SDK1: variants seen among roughly 807,000 people sequenced by gnomAD.
The protein encoded by SDK1 is protein sidekick-1.
A neutral mutation model predicts 245.5 loss-of-function variants in SDK1; 157 were observed. The ratio of observed to expected loss-of-function variants is 0.64; its 90% CI spans 0.56 to 0.73. The LOEUF is 0.73. SDK1 is among the 30% of genes least tolerant of loss of function. The pLI is 0.00. For missense variants in SDK1, 3,583 were observed against 3,002.3 expected (o/e 1.19, Z -4.52); for synonymous variants, 1,647 against 1,278.5 (o/e 1.29, Z -6.15).
chr7:4,089,008 T>C (rs1781611501), intron 22 of SDK1, among the ~76,000 whole-genome samples: 2 of 151,088 alleles, frequency 1.3e-5, no homozygotes, highest in African/African-American at 4.9e-5. Flanking sequence ...GGTGAGACCC[T>C]TGTGGGCATC....
At chr7:3,511,226 G>A (rs913369495) in intron 1 of SDK1, among the ~76,000 whole-genome samples, 1 of 152,132 alleles carries the variant, frequency 6.6e-6, no homozygotes, top group Non-Finnish European at 1.5e-5. Flanking sequence ...TCCTTCTTGG[G>A]TACTTACAAG....
At position 3,355,439 on chromosome 7, in the gene SDK1, C is replaced by T. The variant is rs143638677; in HGVS notation, c.298+53555C>T. 1.6e-4 allele frequency among the ~76,000 whole-genome samples: 25 copies of T among 152,326 alleles called. No individual in the cohort carries two copies. The East Asian group carries it at 4.8e-3, about 29-fold the overall frequency. ...CAAGCAGTCTTCCTGCTGCCTCAGC[C>T]TCCCATGTTGCTTGCAATTACAGGC... On this transcript the variant is annotated intron_variant, in intron 1 of 44. Transcript: ENST00000404826.
intron 1 of SDK1, among the ~76,000 whole-genome samples, chr7:3,508,423 G>A (rs1782466788): frequency 1.3e-5 from 2 of 150,786 alleles, no homozygotes; most frequent in South Asian, 2.1e-4. Context: ...TACCTCCTCG[G>A]TTCAAACAAT....
intron 1 of SDK1, among the ~76,000 whole-genome samples, chr7:3,614,619 A>G (rs761513464): frequency 1.8e-4 from 28 of 152,186 alleles, no homozygotes; most frequent in Non-Finnish European, 2.9e-4. Flanking sequence ...TCTGTCCCCA[A>G]AGTTTTGTGT....
chr7:3,680,952 C>T (rs909717525), intron 4 of SDK1, among the ~76,000 whole-genome samples: 4 of 152,150 alleles, frequency 2.6e-5, no homozygotes, highest in Admixed American at 6.5e-5. Flanking sequence ...AAGCGATTCT[C>T]CTGCCTCAGC....
chr7:3,680,555 G>T (rs926061586), intron 4 of SDK1, among the ~76,000 whole-genome samples: 3 of 152,108 alleles, frequency 2.0e-5, no homozygotes, highest in Non-Finnish European at 4.4e-5. Context: ...AGTTACATAA[G>T]GTTTTACTTT....
chr7:3,450,249 A>G (rs886233663), intron 1 of SDK1, among the ~76,000 whole-genome samples: 2 of 152,322 alleles, frequency 1.3e-5, no homozygotes, highest in African/African-American at 2.4e-5. Flanking sequence ...AAGACCTCTT[A>G]CCCCAAACTA....
chr7:3,718,960 A>T (rs1427777990), intron 4 of SDK1, among the ~76,000 whole-genome samples: 1 of 152,218 alleles, frequency 6.6e-6, no homozygotes, highest in African/African-American at 2.4e-5. Flanking sequence ...AAAATCCATC[A>T]CGTTTCTATA....
intron 1 of SDK1, among the ~76,000 whole-genome samples, chr7:3,590,686 C>G (rs1007225464): frequency 1.3e-5 from 2 of 151,968 alleles, no homozygotes; most frequent in Admixed American, 1.3e-4. Context: ...TGCGCATTTA[C>G]TTCACAAGGG....
chr7:3,790,844 T>C lies in SDK1; in HGVS notation c.714-30606T>C, dbSNP rs142889248. Among the ~76,000 whole-genome samples the C allele has an allele frequency of 5.6e-3, 850 of 152,236 alleles. 9 individuals are homozygous for C. The highest frequency in any genetic ancestry group is 0.02 in the African/African-American group (817 of 41,540). ...AGTCTGGTAGTGGTTGCTTTTGGGC[T>C]GTGGAACTTGGGGCTAGGGAGGTTG... On this transcript the variant is annotated intron_variant, in intron 4 of 44. Coordinates refer to ENST00000404826, the MANE Select transcript of SDK1 (RefSeq NM_152744.4).
At chr7:3,792,817 C>G (rs984644544) in intron 4 of SDK1, among the ~76,000 whole-genome samples, 19 of 152,186 alleles carry the variant, frequency 1.2e-4, no homozygotes, top group African/African-American at 4.6e-4. Flanking sequence ...ACCTCTCACT[C>G]TTGAGCTTGT....
In SDK1 at chr7:3,402,458, T is replaced by A. The variant is rs548942238; in HGVS notation, c.298+100574T>A. 9.7e-4 allele frequency among the ~76,000 whole-genome samples: 148 copies of A among 152,340 alleles called. 1 individual carries two copies. The highest frequency in any genetic ancestry group is 1.7e-3 in the Non-Finnish European group (116 of 68,032). ...CTATTATAAAGTTTGAGTATTTCTA[T>A]TATGATTTTATGACTTCCCATCTGT... On this transcript the variant is annotated intron_variant, in intron 1 of 44. Coordinates refer to ENST00000404826, the MANE Select transcript of SDK1 (RefSeq NM_152744.4).
intron 5 of SDK1, among the ~76,000 whole-genome samples, chr7:3,853,114 G>C (rs182945820): frequency 2.0e-5 from 3 of 151,586 alleles, no homozygotes; most frequent in Non-Finnish European, 4.4e-5. Flanking sequence ...TTCACATCCT[G>C]TGAATACTGT....
At chr7:4,188,053 G>A (rs1238310533) in intron 35 of SDK1, among the ~76,000 whole-genome samples, 7 of 152,170 alleles carry the variant, frequency 4.6e-5, no homozygotes, top group Non-Finnish European at 1.5e-5. Context: ...TCACTACCAT[G>A]AGAACAGCAT....
At chr7:4,084,676 G>C (rs1271231749) in intron 22 of SDK1, among the ~76,000 whole-genome samples, 1 of 28,216 alleles carries the variant, frequency 3.5e-5, no homozygotes, top group Non-Finnish European at 6.7e-5. Context: ...GTTATGTTAC[G>C]TTATGTTATG....
intron 1 of SDK1, among the ~76,000 whole-genome samples, chr7:3,583,916 C>T (rs1780598904): frequency 6.6e-6 from 1 of 152,144 alleles, no homozygotes; most frequent in Admixed American, 6.5e-5. Context: ...GCCTTGTTTG[C>T]TTGGAGTGAA....
At chr7:4,124,217 C>T (rs1784238738) in intron 25 of SDK1, among the ~76,000 whole-genome samples, 1 of 152,180 alleles carries the variant, frequency 6.6e-6, no homozygotes, top group Non-Finnish European at 1.5e-5. Context: ...AGACTGTGTT[C>T]GTGTCATAGC....
chr7:4,146,018 C>T (rs985492295), intron 29 of SDK1, 102 bp downstream of exon 29: 4 of 1,014,758 alleles, frequency 3.9e-6, no homozygotes, highest in African/African-American at 1.6e-5. Flanking sequence ...CTTCGGCCTT[C>T]CCTTCGGAGA....
rs576654971 is a variant in SDK1, at chr7:3,716,593, C to G, written c.713+74488C>G. On this transcript the variant is annotated intron_variant, in intron 4 of 44. Coordinates refer to ENST00000404826, the MANE Select transcript of SDK1 (RefSeq NM_152744.4). The stretch of plus-strand genomic sequence containing the variant: ...TGGGCAAGGTAGTGAGACCCCATTG[C>G]TACAAACAAATCAAAAAATTAGCCA... Among the ~76,000 whole-genome samples, 4 of 151,870 alleles carry G rather than the reference C, an allele frequency of 2.6e-5. No homozygotes were observed. The South Asian group carries it at 8.3e-4, about 32-fold the overall frequency.
Sources: allele counts gnomAD v4.1 joint callset (sites outside exome capture counted in the v4.1 genomes callset), GRCh38; gene constraint gnomAD v4.1.1; transcripts MANE v1.5; gene names NCBI Gene and HGNC (gene_info 2026-07-23, HGNC 2026-07-21).